Variants in MAP3K5 observed in about 807,000 individuals in gnomAD.
MAP3K5 encodes ASK-1.
MAP3K5 carries 56 observed loss-of-function variants against 158.7 expected under a neutral mutation model. The observed-to-expected ratio is 0.35, with a 90% CI of 0.28 to 0.44. MAP3K5 has a LOEUF of 0.44. Ranked by LOEUF, MAP3K5 falls within the 20% of genes least tolerant of loss-of-function variation. The pLI is 1.00. For missense variants in MAP3K5, 1,294 were observed against 1,674.8 expected (o/e 0.77, Z 3.97); for synonymous variants, 579 against 601.7 (o/e 0.96, Z 0.55).
Position 136,719,772 on chromosome 6 carries a change from T to C in MAP3K5, c.588+678A>G, listed in dbSNP as rs112743084. On this transcript the variant is annotated intron_variant, in intron 2 of 29. Transcript: ENST00000359015. Reference sequence around the variant, plus strand: ...CTAGCTGGAAGTTTCACAAAGGAAATGGATGATGGCAAGCTCAGCATGCGA... The same window carrying C: ...CTAGCTGGAAGTTTCACAAAGGAAACGGATGATGGCAAGCTCAGCATGCGA... Among the ~76,000 whole-genome samples, 235 of 152,152 alleles carry C rather than the reference T, an allele frequency of 1.5e-3. 3 individuals are homozygous for C. Among genetic ancestry groups the C allele is most frequent in the African/African-American group, 5.4e-3 (224 of 41,504 alleles).
rs1775856033 is a variant in MAP3K5, at chr6:136,601,111, C to CA, written c.2858-70dup. Reference sequence around the variant, plus strand: ...GTTTGTTGTTAAACTGAGAAATCAACAAAAAATGAATGCCTGAAATGGGGT... The same window carrying CA: ...GTTTGTTGTTAAACTGAGAAATCAACAAAAAAATGAATGCCTGAAATGGGGT... On this transcript the variant is annotated intron_variant, in intron 20 of 29. Transcript: ENST00000359015. 19 of 1,497,988 alleles carry CA rather than the reference C, an allele frequency of 1.3e-5. 1 individual carries two copies. In the South Asian group the frequency reaches 2.1e-4, roughly 16 times the overall value. The allele number at this position is 1,497,988 out of a possible 1,614,324, so 92.8% of individuals were successfully genotyped here.
intron 9 of MAP3K5, 139 bp downstream of exon 9, chr6:136,659,080 A>T (rs1214119504): frequency 2.6e-6 from 2 of 783,140 alleles, no homozygotes; most frequent in African/African-American, 3.5e-5. Flanking sequence ...CGTTTTATGA[A>T]TATCACAATT....
chr6:136,616,343 C>T (rs1020331576), intron 15 of MAP3K5, among the ~76,000 whole-genome samples: 21 of 133,606 alleles, frequency 1.6e-4, no homozygotes, highest in Non-Finnish European at 2.5e-4. Context: ...TCACTCTTGT[C>T]GCCCAGGCTG....
intron 14 of MAP3K5, among the ~76,000 whole-genome samples, chr6:136,633,697 TA>T (rs1777485502): frequency 6.6e-6 from 1 of 152,196 alleles, no homozygotes; most frequent in Non-Finnish European, 1.5e-5. Context: ...GAAAAGGAGT[TA>T]TTGCCTTGGG....
chr6:136,569,071 A>G (rs1774250277), intron 25 of MAP3K5, among the ~76,000 whole-genome samples: 1 of 152,116 alleles, frequency 6.6e-6, no homozygotes, highest in African/African-American at 2.4e-5. Context: ...GACCAGCATT[A>G]CCATTAAAAT....
intron 14 of MAP3K5, chr6:136,630,106 C>T (rs1343973844): frequency 6.6e-6 from 1 of 152,176 alleles, no homozygotes; most frequent in Non-Finnish European, 1.5e-5. Flanking sequence ...ATTGCACGTC[C>T]CTGCTACACT....
In MAP3K5 at chr6:136,602,127, T is replaced by C. The variant is rs1050935749; in HGVS notation, c.2680-148A>G. 4.0e-5 allele frequency: 26 copies of C among 645,774 alleles called. No homozygotes were observed. In the African/African-American group the frequency reaches 4.8e-4, roughly 12 times the overall value. 40.0% of individuals were successfully genotyped at this position (645,774 alleles called of 1,614,324 possible). The stretch of plus-strand genomic sequence containing the variant: ...TGGCTTTTCTCAAAGGGAGATAAGA[T>C]GTGTTTGCTGCAGGTTATAGAAGAT... On this transcript the variant is annotated intron_variant, in intron 19 of 29. Transcript: ENST00000359015.
At chr6:136,558,949 G>A in intron 28 of MAP3K5, 73 bp from the exon 29 acceptor site, 4 of 767,856 alleles carry the variant, frequency 5.2e-6, no homozygotes, top group Non-Finnish European at 9.1e-6. Flanking sequence ...TATTCATAAT[G>A]TAAACCTTGA....
intron 1 of MAP3K5, among the ~76,000 whole-genome samples, chr6:136,724,446 C>T (rs375231044): frequency 1.1e-4 from 16 of 152,144 alleles, no homozygotes; most frequent in African/African-American, 3.9e-4. Context: ...TGGGGTTTCG[C>T]CATGTTGGCC....
intron 3 of MAP3K5, among the ~76,000 whole-genome samples, chr6:136,700,178 T>G (rs1427293876): frequency 6.6e-6 from 1 of 152,074 alleles, no homozygotes; most frequent in Non-Finnish European, 1.5e-5. Context: ...ATTTTCACAA[T>G]GCACAATCAA....
intron 12 of MAP3K5, 103 bp from the exon 13 acceptor site, chr6:136,639,741 TG>T (rs1562569574): frequency 1.6e-6 from 1 of 614,792 alleles, no homozygotes; most frequent in African/African-American, 1.9e-5. Context: ...TTTATATCAA[TG>T]TTGTTTATAA....
rs745843634 is a variant in MAP3K5 at position 136,669,404 on chromosome 6, AACC to A, written c.1254-12_1254-10del. 6.7e-6 allele frequency: 10 copies of A among 1,495,964 alleles called. No homozygotes were observed. The African/African-American group carries it at 1.4e-4, about 21-fold the overall frequency. The allele number at this position is 1,495,964 out of a possible 1,614,324, so 92.7% of individuals were successfully genotyped here. A position where few individuals can be genotyped will look rare whatever the true frequency, so the allele number is the denominator to read the frequency against. On this transcript the variant is annotated splice_polypyrimidine_tract_variant and intron_variant, in intron 7 of 29. Transcript: ENST00000359015. ...CAAATGCCTTTTTGAACCTATAAAA[AACC>A]ACAAATGTACAAGTTAACTTTCTCA... is the stretch of plus-strand genomic sequence containing the variant.
In MAP3K5 at chr6:136,729,848, G is replaced by C. The variant is rs190031288; in HGVS notation, c.449-9259C>G. 2.7e-4 allele frequency among the ~76,000 whole-genome samples: 41 copies of C among 152,308 alleles called. No individual in the cohort carries two copies. In the East Asian group the frequency reaches 7.9e-3, roughly 29 times the overall value. On this transcript the variant is annotated intron_variant, in intron 1 of 29. Transcript: ENST00000359015. ...CCTCAACTAACACAGACAACATGTG[G>C]GGAAACTCAACAGGATTCAGGGACT...
intron 1 of MAP3K5, among the ~76,000 whole-genome samples, chr6:136,789,245 G>A (rs889998689): frequency 6.6e-6 from 1 of 152,248 alleles, no homozygotes; most frequent in Non-Finnish European, 1.5e-5. Context: ...AGGAGTTCGA[G>A]CTAGCAGCGA....
intron 14 of MAP3K5, among the ~76,000 whole-genome samples, chr6:136,629,461 A>T (rs1354161148): frequency 1.3e-5 from 2 of 151,820 alleles, no homozygotes; most frequent in African/African-American, 2.4e-5. Flanking sequence ...CTCACATCTC[A>T]CCTTTTTTTT....
rs79405587 is a variant in MAP3K5, at chr6:136,622,736, A to C, written c.2150+112T>G. 1.6e-4 allele frequency: 186 copies of C among 1,183,692 alleles called. No individual in the cohort carries two copies. The African/African-American group carries it at 2.3e-3, about 15-fold the overall frequency. 73.3% of individuals were successfully genotyped at this position (1,183,692 alleles called of 1,614,324 possible). A position where few individuals can be genotyped will look rare whatever the true frequency, so the allele number is the denominator to read the frequency against. ...GAAACCTCAGAAGGAGCTAATTCAC[A>C]GAGTGAAGTTTTCACAGTTTCATTC... On this transcript the variant is annotated intron_variant, in intron 15 of 29. Transcript: ENST00000359015.
chr6:136,748,854 G>C (rs983565079), intron 1 of MAP3K5, among the ~76,000 whole-genome samples: 2 of 152,212 alleles, frequency 1.3e-5, no homozygotes, highest in Non-Finnish European at 2.9e-5. Context: ...CACTGACTAA[G>C]GCTCTTGGAT....
chr6:136,613,730 AAG>A lies in MAP3K5; in HGVS notation c.2278+427_2278+428del, dbSNP rs1329974414. ...GAGAAGACTGAATGGTGCCAAAGAA[AAG>A]ATCCCCCGAGACCATTACCCCTCCT... On this transcript the variant is annotated intron_variant, in intron 16 of 29. Coordinates refer to ENST00000359015, the MANE Select transcript of MAP3K5 (RefSeq NM_005923.4). The surrounding 1 kb of genome is among the most constrained non-coding windows in gnomAD (Gnocchi z 4.0). Among the ~76,000 whole-genome samples, 1 of 152,148 alleles carries A rather than the reference AAG, an allele frequency of 6.6e-6. No homozygotes were observed. Among genetic ancestry groups the A allele is most frequent in the Admixed American group, 6.5e-5 (1 of 15,276 alleles).
chr6:136,600,943 G>T, intron 21 of MAP3K5, 79 bp downstream of exon 21: 1 of 1,442,042 alleles, frequency 6.9e-7, no homozygotes, highest in Non-Finnish European at 9.7e-7. Flanking sequence ...AGAGCATGAG[G>T]CTACTTGATG....
Sources: gnomAD v4.1 joint callset for allele counts (sites outside exome capture counted in the v4.1 genomes callset) on GRCh38, gnomAD v4.1.1 for gene constraint, Gnocchi (gnomAD v3.1) non-coding constraint, MANE v1.5 for transcripts, NCBI Gene and HGNC (gene_info 2026-07-23, HGNC 2026-07-21) for gene names.